The following MYOCD variants were observed in gnomAD, a reference collection of about 807,000 sequenced individuals.
MYOCD encodes the protein myocardin.
Under a neutral mutation model 96.1 loss-of-function variants are expected in MYOCD, and 32 were observed. The observed-to-expected ratio is 0.33, with a 90% CI of 0.25 to 0.45. MYOCD has a LOEUF of 0.45. Ranked by LOEUF, MYOCD falls within the 20% of genes least tolerant of loss-of-function variation. The pLI, the probability that MYOCD is intolerant of heterozygous loss-of-function variation, is 1.00. For missense variants in MYOCD, 1,133 were observed against 1,200.6 expected (o/e 0.94, Z 0.83); for synonymous variants, 469 against 469.0 (o/e 1.00, Z 0.00).
At chr17:12,750,552 G>A (rs1268271074) in intron 9 of MYOCD, among the ~76,000 whole-genome samples, 2 of 152,006 alleles carry the variant, frequency 1.3e-5, no homozygotes, top group Non-Finnish European at 2.9e-5. Flanking sequence ...AGCCCGGTGT[G>A]GTGGTGCGTG....
chr17:12,685,730 T>G (rs2030084568), intron 1 of MYOCD, among the ~76,000 whole-genome samples: 1 of 152,234 alleles, frequency 6.6e-6, no homozygotes, highest in Non-Finnish European at 1.5e-5. Flanking sequence ...CATATATGGA[T>G]TATTTAATAA....
chr17:12,680,115 C>T (rs1168277792), intron 1 of MYOCD, among the ~76,000 whole-genome samples: 1 of 152,204 alleles, frequency 6.6e-6, no homozygotes, highest in Non-Finnish European at 1.5e-5. Flanking sequence ...AACCTGTATT[C>T]AAGAACCACA....
At position 12,722,873 on chromosome 17, in the gene MYOCD, A is replaced by C. The variant is rs779479500; in HGVS notation, c.280A>C (p.Thr94Pro). 6.2e-7 allele frequency: 1 copy of C among 1,613,920 alleles called. No homozygotes were observed. Among genetic ancestry groups the C allele is most frequent in the South Asian group, 1.1e-5 (1 of 91,032 alleles). ...QASTAERSIP[T>P]AQMKLKRARL... ...TTCCACTGCAGAGAGGTCCATTCCA[A>C]CTGCTCAGATGAAGCTGAAAAGAGC... Residue 94 changes from threonine (T) to proline (P), a missense_variant, in exon 5 of 14, where the codon ACT becomes CCT. Transcript: ENST00000425538.
rs762417803 is a variant in MYOCD, at chr17:12,763,177, T to A, written c.2494T>A (p.Ser832Thr). The A allele has an allele frequency of 2.0e-5, 32 of 1,614,020 alleles. No individual in the cohort carries two copies. Among genetic ancestry groups the A allele is most frequent in the Non-Finnish European group, 2.7e-5 (32 of 1,180,030 alleles). The part of the protein sequence containing the change: ...PTAVLTKPSA[S>T]FEQASSGSQI... ...TGCTGTCCTCACCAAGCCCTCGGCT[T>A]CCTTTGAACAAGCCTCTTCAGGCAG... Residue 832 changes from serine to threonine, a missense_variant, in exon 14 of 14, where the codon TCC (serine) becomes ACC (threonine). Transcript: ENST00000425538.
At chr17:12,671,572 A>G (rs1348804992) in intron 1 of MYOCD, among the ~76,000 whole-genome samples, 2 of 152,226 alleles carry the variant, frequency 1.3e-5, no homozygotes, top group Non-Finnish European at 2.9e-5. Context: ...GTCATGAACC[A>G]AGGATTGTGA....
intron 1 of MYOCD, among the ~76,000 whole-genome samples, chr17:12,680,340 A>G (rs1910375920): frequency 6.6e-6 from 1 of 152,238 alleles, no homozygotes; most frequent in African/African-American, 2.4e-5. Flanking sequence ...AGAGGTGAGT[A>G]TAATGACGTC....
chr17:12,697,390 T>C (rs1488331150), intron 1 of MYOCD, among the ~76,000 whole-genome samples: 15 of 130,728 alleles, frequency 1.1e-4, no homozygotes, highest in African/African-American at 4.0e-4. Flanking sequence ...TGAGACGGGG[T>C]CTCGCTCTGT....
chr17:12,720,397 T>C lies in MYOCD; in HGVS notation c.254-2450T>C, dbSNP rs558442483. 2.6e-5 allele frequency: 4 copies of C among 152,228 alleles called. No individual in the cohort carries two copies. The East Asian group carries it at 7.7e-4, about 29-fold the overall frequency. The allele number at this position is 152,228 out of a possible 1,614,324, so 9.4% of individuals were successfully genotyped here. On this transcript the variant is annotated intron_variant, in intron 4 of 13. Coordinates refer to ENST00000425538, the MANE Select transcript of MYOCD (RefSeq NM_001146312.3). Reference sequence around the variant, plus strand: ...CTTCTTTTTCTACTAAACCTTCCGCTCCTAAACCCATTCCTCGTGTGTATC... The same window carrying C: ...CTTCTTTTTCTACTAAACCTTCCGCCCCTAAACCCATTCCTCGTGTGTATC...
chr17:12,683,458 C>T (rs149152132), intron 1 of MYOCD, among the ~76,000 whole-genome samples: 82 of 152,204 alleles, frequency 5.4e-4, no homozygotes, highest in Non-Finnish European at 9.4e-4. Context: ...TTCTCTCGTG[C>T]GCGCGCGCTC....
At chr17:12,701,736 T>C (rs1309387036) in intron 1 of MYOCD, among the ~76,000 whole-genome samples, 1 of 152,172 alleles carries the variant, frequency 6.6e-6, no homozygotes, top group Non-Finnish European at 1.5e-5. Flanking sequence ...TATGGGAAAT[T>C]ATGATATGAA....
At chr17:12,756,695 C>CAGAAAAAAAAAAAAAAAAAAAAAAAAA (rs2033022389) in intron 11 of MYOCD, 138 bp downstream of exon 11, 1 of 134,326 alleles carries the variant, frequency 7.4e-6, no homozygotes, top group Non-Finnish European at 1.3e-5. Context: ...GACTGCATCT[C>CAGAAAAAAAAAAAAAAAAAAAAAAAAA]AAAAAAAAAA....
chr17:12,703,806 A>C (rs1210077677), intron 1 of MYOCD, among the ~76,000 whole-genome samples: 1 of 151,812 alleles, frequency 6.6e-6, no homozygotes, highest in Non-Finnish European at 1.5e-5. Context: ...CTTCAAGTTT[A>C]CTGACTCATT....
Position 12,722,930 on chromosome 17 carries a change from G to T in MYOCD, c.337G>T (p.Ala113Ser), listed in dbSNP as rs779203700. ...CGCCGATGATCTCAATGAAAAAATTGCTCTACGACCAGGGCCACTGGAGCT... is the reference window on the plus strand; with the variant it reads ...CGCCGATGATCTCAATGAAAAAATTTCTCTACGACCAGGGCCACTGGAGCT... ...RLADDLNEKI[A>S]LRPGPLELVE... Residue 113 changes from alanine (A) to serine (S), a missense_variant, in exon 5 of 14, where the codon GCT becomes TCT. By Grantham distance (99) the Ala-to-Ser change is moderately conservative. Transcript: ENST00000425538. 86 of 1,613,880 alleles carry T rather than the reference G, an allele frequency of 5.3e-5. No individual in the cohort carries two copies. Among genetic ancestry groups the T allele is most frequent in the Non-Finnish European group, 6.9e-5 (82 of 1,179,960 alleles).
chr17:12,751,287 G>GTA (rs200542721), intron 9 of MYOCD, among the ~76,000 whole-genome samples: 87 of 150,656 alleles, frequency 5.8e-4, no homozygotes, highest in South Asian at 2.3e-3. Context: ...ATATATATAT[G>GTA]TATATATATA....
chr17:12,666,100 G>A lies in MYOCD; in HGVS notation c.-89G>A. 1 of 931,042 alleles carries A rather than the reference G, an allele frequency of 1.1e-6. No homozygotes were observed. 57.7% of individuals were successfully genotyped at this position (931,042 alleles called of 1,614,324 possible). On this transcript the variant is annotated 5_prime_UTR_variant, in exon 1 of 14. Transcript: ENST00000425538. Reference sequence around the variant, plus strand: ...GAGTTGGATGAATTCTGGGTTGTTAGCTGCGGTCAGCTGGGCTCCCGGGAG... The same window carrying A: ...GAGTTGGATGAATTCTGGGTTGTTAACTGCGGTCAGCTGGGCTCCCGGGAG...
chr17:12,688,560 TTCCTTCCTTCCATCTCCGTCCC>T (rs1185665782), intron 1 of MYOCD, among the ~76,000 whole-genome samples: 1 of 133,572 alleles, frequency 7.5e-6, no homozygotes, highest in Non-Finnish European at 1.6e-5. Flanking sequence ...TCTTCCTTCC[TTCCTTCCTTCCATCTCCGTCCC>T]TCCTTCCTTC....
chr17:12,733,478 A>G (rs2032240781), intron 5 of MYOCD, among the ~76,000 whole-genome samples: 1 of 152,128 alleles, frequency 6.6e-6, no homozygotes, highest in African/African-American at 2.4e-5. Flanking sequence ...CCCCTCTACC[A>G]GGTGAGTCTG....
rs373772317 is a variant in MYOCD, at chr17:12,752,811, C to A, written c.1523C>A (p.Ser508Tyr). 6.2e-7 allele frequency: 1 copy of A among 1,614,026 alleles called. No individual in the cohort carries two copies. Among genetic ancestry groups the A allele is most frequent in the Non-Finnish European group, 8.5e-7 (1 of 1,179,996 alleles). Residue 508 changes from serine (S) to tyrosine (Y), a missense_variant, in exon 10 of 14, where the codon TCT becomes TAT. Coordinates refer to ENST00000425538, the MANE Select transcript of MYOCD (RefSeq NM_001146312.3). The stretch of plus-strand genomic sequence containing the variant: ...AGCCTGAATGGGGGCTCTGTTCCTT[C>A]TGAGCTGGATGGGCTGGACTCCGAG... ...MSSLNGGSVP[S>Y]ELDGLDSEKD...
intron 2 of MYOCD, among the ~76,000 whole-genome samples, chr17:12,711,847 A>G (rs1370634497): frequency 1.3e-5 from 2 of 152,124 alleles, no homozygotes; most frequent in Non-Finnish European, 2.9e-5. Context: ...TTGTTAAAAC[A>G]AAGATTCCTG....
Sources: allele counts gnomAD v4.1 joint callset (sites outside exome capture counted in the v4.1 genomes callset), GRCh38; gene constraint gnomAD v4.1.1; transcripts MANE v1.5; gene names NCBI Gene and HGNC (gene_info 2026-07-23, HGNC 2026-07-21).